Variants in SPATS2L observed in about 807,000 individuals in gnomAD.
SPATS2L encodes the protein spermatogenesis associated serine rich 2 like.
In SPATS2L, 30 loss-of-function variants were observed where a neutral mutation model predicts 59.6. The ratio of observed to expected loss-of-function variants is 0.50; its 90% confidence interval spans 0.38 to 0.68. SPATS2L has a LOEUF of 0.68. Among genes scored for constraint, SPATS2L ranks in the 30% least tolerant of loss-of-function variants. The probability of loss-of-function intolerance (pLI) is 0.00; values close to 1 mark genes in which losing one functional copy is unlikely to be tolerated. For synonymous variants in SPATS2L, 252 were observed against 263.5 expected, an observed-to-expected ratio of 0.96 and a Z score of 0.42; for missense variants, 615 against 700.0, an observed-to-expected ratio of 0.88 and a Z score of 1.37.
At chr2:200,435,660 A>G (rs959354893) in intron 6 of SPATS2L, among the ~76,000 whole-genome samples, 8 of 151,726 alleles carry the variant, frequency 5.3e-5, no homozygotes, top group Non-Finnish European at 1.2e-4. Context: ...CACTTTTCTC[A>G]TGTAGAAATT....
chr2:200,314,968 A>T (rs1359059530), intron 1 of SPATS2L, among the ~76,000 whole-genome samples: 1 of 152,268 alleles, frequency 6.6e-6, no homozygotes, highest in African/African-American at 2.4e-5. Context: ...TTTTATTTTT[A>T]AAAATGTGAT....
intron 9 of SPATS2L, among the ~76,000 whole-genome samples, chr2:200,466,532 A>G (rs1426699100): frequency 4.6e-5 from 7 of 152,374 alleles, no homozygotes; most frequent in Non-Finnish European, 8.8e-5. Context: ...CCTTTAGTTC[A>G]TCTGAAGATG....
At chr2:200,432,544 AAAG>A (rs912266270) in intron 6 of SPATS2L, among the ~76,000 whole-genome samples, 5 of 152,326 alleles carry the variant, frequency 3.3e-5, no homozygotes, top group East Asian at 3.9e-4. Flanking sequence ...CTTTAAAGGA[AAAG>A]AAGAAGATCT....
upstream of SPATS2L, chr2:200,306,324 C>G (rs1325216692): frequency 1.0e-6 from 1 of 1,002,074 alleles, no homozygotes. Flanking sequence ...GCAACACGTG[C>G]GGATTGTGAC....
At chr2:200,392,609 C>A (rs916475651) in intron 3 of SPATS2L, among the ~76,000 whole-genome samples, 1 of 152,028 alleles carries the variant, frequency 6.6e-6, no homozygotes, top group Non-Finnish European at 1.5e-5. Flanking sequence ...TCAGTACACT[C>A]CTGATATTTT....
intron 3 of SPATS2L, among the ~76,000 whole-genome samples, chr2:200,410,072 T>C (rs1011591788): frequency 6.6e-6 from 1 of 152,018 alleles, no homozygotes; most frequent in African/African-American, 2.4e-5. Flanking sequence ...ATTGAAAACC[T>C]TTGTCTAATA....
At chr2:200,463,665 T>C (rs1364399742) in intron 9 of SPATS2L, among the ~76,000 whole-genome samples, 5 of 152,212 alleles carry the variant, frequency 3.3e-5, no homozygotes, top group Non-Finnish European at 7.3e-5. Context: ...GGTCTCAAAC[T>C]TCCTGTTTAT....
chr2:200,473,914 T>C (rs6711475), intron 12 of SPATS2L, among the ~76,000 whole-genome samples: 39,569 of 151,794 alleles, frequency 0.26, 6,421 homozygotes, highest in African/African-American at 0.45. Context: ...GCAGGAGAAT[T>C]GCTTGAACCC....
At chr2:200,349,448 C>T (rs972557436) in intron 2 of SPATS2L, among the ~76,000 whole-genome samples, 1 of 152,186 alleles carries the variant, frequency 6.6e-6, no homozygotes, top group Non-Finnish European at 1.5e-5. Flanking sequence ...CAAGATTGAC[C>T]AACATGGTGA....
chr2:200,467,159 C>G, intron 9 of SPATS2L, 131 bp from the exon 10 acceptor site: 1 of 668,708 alleles, frequency 1.5e-6, no homozygotes, highest in Non-Finnish European at 2.6e-6. Context: ...GCCTCCATGA[C>G]CAACTCAGAA....
chr2:200,404,198 T>C (rs2082619980), intron 3 of SPATS2L, among the ~76,000 whole-genome samples: 2 of 152,206 alleles, frequency 1.3e-5, no homozygotes, highest in Admixed American at 6.5e-5. Context: ...AGATTAATTG[T>C]GCAATGACTG....
At chr2:200,442,124 A>G (rs1574560733) in intron 8 of SPATS2L, among the ~76,000 whole-genome samples, 1 of 152,194 alleles carries the variant, frequency 6.6e-6, no homozygotes, top group East Asian at 1.9e-4. Flanking sequence ...CTGGATGTCA[A>G]CGAAAGTCTT....
chr2:200,334,066 A>G (rs2080053591), intron 2 of SPATS2L, among the ~76,000 whole-genome samples: 1 of 152,246 alleles, frequency 6.6e-6, no homozygotes, highest in Non-Finnish European at 1.5e-5. Flanking sequence ...TAGATCCCTG[A>G]GGAATCGCCA....
intron 1 of SPATS2L, among the ~76,000 whole-genome samples, chr2:200,311,075 G>A (rs369764951): frequency 3.3e-5 from 5 of 152,176 alleles, no homozygotes; most frequent in Admixed American, 6.5e-5. Flanking sequence ...TAAATACACC[G>A]ATAAAATGAA....
At chr2:200,401,595 G>A (rs963018836) in intron 3 of SPATS2L, among the ~76,000 whole-genome samples, 3 of 152,134 alleles carry the variant, frequency 2.0e-5, no homozygotes, top group Non-Finnish European at 2.9e-5. Context: ...GATCTGTCCT[G>A]TGCCACCTTC....
intron 8 of SPATS2L, among the ~76,000 whole-genome samples, chr2:200,459,524 C>CT (rs999877776): frequency 3.9e-5 from 6 of 151,948 alleles, no homozygotes; most frequent in Non-Finnish European, 7.4e-5. Flanking sequence ...GTCTAAAAGA[C>CT]TTTTTTTTAG....
intron 8 of SPATS2L, among the ~76,000 whole-genome samples, chr2:200,446,211 T>C (rs908570274): frequency 3.3e-5 from 5 of 152,136 alleles, no homozygotes; most frequent in African/African-American, 9.7e-5. Context: ...GGTGTGTGCC[T>C]GTGGTCCCAG....
At chr2:200,413,887 T>C (rs567365511) in intron 4 of SPATS2L, among the ~76,000 whole-genome samples, 1 of 152,332 alleles carries the variant, frequency 6.6e-6, no homozygotes, top group East Asian at 1.9e-4. Context: ...AAGAGATACA[T>C]AATTTTTAGT....
At chr2:200,473,295 T>C (rs946348119) in intron 12 of SPATS2L, among the ~76,000 whole-genome samples, 2 of 152,094 alleles carry the variant, frequency 1.3e-5, no homozygotes, top group African/African-American at 4.8e-5. Flanking sequence ...GCATGCACTC[T>C]TGACCACGTG....
Sources: gnomAD v4.1 joint callset for allele counts (sites outside exome capture counted in the v4.1 genomes callset) on GRCh38, gnomAD v4.1.1 for gene constraint, MANE v1.5 for transcripts, NCBI Gene and HGNC (gene_info 2026-07-23, HGNC 2026-07-21) for gene names.